Variants in CHODL observed in about 807,000 individuals in gnomAD.
CHODL encodes the protein transmembrane protein MT75.
In CHODL, 29 loss-of-function variants were observed where a neutral mutation model predicts 34.5. The observed-to-expected ratio is 0.84, with a 90% CI of 0.63 to 1.15. CHODL has a LOEUF of 1.15. CHODL is among the 50% of genes most tolerant of loss of function. The probability of loss-of-function intolerance (pLI) is 0.00; values close to 1 mark genes in which losing one functional copy is unlikely to be tolerated. For missense variants in CHODL, 332 were observed against 332.5 expected, an observed-to-expected ratio of 1.00 and a Z score of 0.01; for synonymous variants, 125 against 116.1, an observed-to-expected ratio of 1.08 and a Z score of -0.49.
At chr21:18,244,251 G>C (rs2074109389), upstream of CHODL, among the ~76,000 whole-genome samples, 1 of 152,198 alleles carries the variant, frequency 6.6e-6, no homozygotes, top group Non-Finnish European at 1.5e-5. Flanking sequence ...CTCTGGAGTT[G>C]CAAACACTGA....
In CHODL at chr21:18,201,342, A is replaced by G. The variant is rs1275998439; in HGVS notation, c.-44-55167A>G. On this transcript the variant is annotated intron_variant, in intron 2 of 6. Coordinates refer to the CHODL transcript ENST00000400127. The stretch of plus-strand genomic sequence containing the variant: ...TTCATATAAATTTTTATTTTAATAA[A>G]CTCTTATATGGTACAAAATCATTTA... Among the ~76,000 whole-genome samples, 6 of 152,038 alleles carry G rather than the reference A, an allele frequency of 3.9e-5. No homozygotes were observed. In the South Asian group the frequency reaches 8.3e-4, roughly 21 times the overall value.
chr21:18,074,770 AG>A (rs1312866040), intron 2 of CHODL, among the ~76,000 whole-genome samples: 4 of 152,190 alleles, frequency 2.6e-5, no homozygotes, highest in African/African-American at 9.6e-5. Flanking sequence ...GGAAGTCTTC[AG>A]GCTGAGTCAG....
chr21:17,957,338 T>A (rs930661767), intron 1 of CHODL, among the ~76,000 whole-genome samples: 1 of 152,188 alleles, frequency 6.6e-6, no homozygotes, highest in East Asian at 1.9e-4. Flanking sequence ...ATAACTTTTT[T>A]ACTTAAAATC....
In CHODL at chr21:18,260,844, C is replaced by CA. The variant is rs1164711599; in HGVS notation, c.634+560dup. Among the ~76,000 whole-genome samples, 4 of 151,468 alleles carry CA rather than the reference C, an allele frequency of 2.6e-5. No homozygotes were observed. In the East Asian group the frequency reaches 7.7e-4, roughly 29 times the overall value. ...CAAACAACAACAACAACAACAACAACAACAAAAAAACACCACCAACAACAA... is the reference window on the plus strand; with the variant it reads ...CAAACAACAACAACAACAACAACAACAAACAAAAAAACACCACCAACAACAA... On this transcript the variant is annotated intron_variant, in intron 4 of 5. Transcript: ENST00000299295.
chr21:18,088,517 C>A (rs1428834053), intron 2 of CHODL, among the ~76,000 whole-genome samples: 1 of 152,150 alleles, frequency 6.6e-6, no homozygotes, highest in Non-Finnish European at 1.5e-5. Context: ...CCCAGTGGGT[C>A]AAGGGTTTTT....
At chr21:17,943,863 C>T (rs957395331) in intron 1 of CHODL, among the ~76,000 whole-genome samples, 1 of 152,144 alleles carries the variant, frequency 6.6e-6, no homozygotes. Flanking sequence ...CAAGTCTGAT[C>T]TCACTCCATG....
intron 1 of CHODL, among the ~76,000 whole-genome samples, chr21:17,983,132 A>G (rs1242660177): frequency 6.6e-6 from 1 of 152,176 alleles, no homozygotes; most frequent in East Asian, 1.9e-4. Context: ...ATTCATCACA[A>G]TATGCATACT....
chr21:17,939,079 G>C (rs1232646971), intron 1 of CHODL, among the ~76,000 whole-genome samples: 1 of 151,884 alleles, frequency 6.6e-6, no homozygotes, highest in East Asian at 1.9e-4. Context: ...TTATTTTTTG[G>C]TGGTAAAAAC....
intron 2 of CHODL, among the ~76,000 whole-genome samples, chr21:18,057,672 A>G (rs1196990264): frequency 6.6e-6 from 1 of 151,910 alleles, no homozygotes; most frequent in African/African-American, 2.4e-5. Context: ...TCTTCAACAC[A>G]TATTTAAGCT....
chr21:17,936,978 G>A (rs2063324429), intron 1 of CHODL, among the ~76,000 whole-genome samples: 1 of 151,788 alleles, frequency 6.6e-6, no homozygotes, highest in African/African-American at 2.4e-5. Context: ...GGAGGCTGAG[G>A]CAGGAGAATC....
chr21:18,138,234 T>C (rs1491776), intron 2 of CHODL, among the ~76,000 whole-genome samples: 11,843 of 152,050 alleles, frequency 0.078, 1,460 homozygotes, highest in African/African-American at 0.26. Context: ...TCCATTTATT[T>C]CATATCATTA....
chr21:18,045,333 A>G (rs1324595549), intron 2 of CHODL, among the ~76,000 whole-genome samples: 1 of 152,028 alleles, frequency 6.6e-6, no homozygotes, highest in Non-Finnish European at 1.5e-5. Context: ...AGATGTAATT[A>G]AGGATCTCAA....
chr21:17,946,685 G>A (rs2063412380), intron 1 of CHODL, among the ~76,000 whole-genome samples: 1 of 152,008 alleles, frequency 6.6e-6, no homozygotes, highest in East Asian at 1.9e-4. Context: ...TTTTAATGGT[G>A]TTTAAAGTCT....
chr21:18,199,938 G>A (rs1387861986), intron 2 of CHODL, among the ~76,000 whole-genome samples: 1 of 152,168 alleles, frequency 6.6e-6, no homozygotes, highest in Admixed American at 6.5e-5. Context: ...TTTCTATGCA[G>A]ATGTAAACCT....
chr21:18,013,945 T>G (rs1568844591), intron 1 of CHODL, among the ~76,000 whole-genome samples: 1 of 152,120 alleles, frequency 6.6e-6, no homozygotes, highest in Non-Finnish European at 1.5e-5. Context: ...ATTTTCTGCT[T>G]CTTCTGATAA....
At chr21:18,202,686 A>G (rs2073668133) in intron 2 of CHODL, among the ~76,000 whole-genome samples, 1 of 152,194 alleles carries the variant, frequency 6.6e-6, no homozygotes, top group South Asian at 2.1e-4. Flanking sequence ...CTAAAACAGC[A>G]TGTAACCACA....
At position 17,951,293 on chromosome 21, in the gene CHODL, C is replaced by T. The variant is rs888732087; in HGVS notation, c.-145+33893C>T. ...GCTGATATCTTTGATCTATTAAAAT[C>T]TGCATTGGTATAGGTAGGTGGCAGG... On this transcript the variant is annotated intron_variant, in intron 1 of 6. Coordinates refer to the CHODL transcript ENST00000400127. Among the ~76,000 whole-genome samples the T allele has an allele frequency of 1.6e-4, 25 of 152,138 alleles. 1 individual carries two copies. The highest frequency in any genetic ancestry group is 6.0e-4 in the African/African-American group (25 of 41,418).
At chr21:18,256,258 T>C (rs952492324) in intron 1 of CHODL, among the ~76,000 whole-genome samples, 12 of 152,200 alleles carry the variant, frequency 7.9e-5, no homozygotes, top group African/African-American at 2.9e-4. Context: ...AGAAGAGTTA[T>C]AACTTCCCTT....
intron 2 of CHODL, among the ~76,000 whole-genome samples, chr21:18,178,333 C>A (rs1166693648): frequency 6.6e-6 from 1 of 152,098 alleles, no homozygotes; most frequent in African/African-American, 2.4e-5. Context: ...TTTGCTTTAT[C>A]TTTTTCCTTT....
Sources: gnomAD v4.1 joint callset for allele counts (sites outside exome capture counted in the v4.1 genomes callset) on GRCh38, gnomAD v4.1.1 for gene constraint, MANE v1.5 for transcripts, NCBI Gene and HGNC (gene_info 2026-07-23, HGNC 2026-07-21) for gene names.